Variants in VIT observed in about 807,000 individuals in gnomAD.
VIT encodes the protein vitrin.
In VIT, 99 loss-of-function variants were observed where a neutral mutation model predicts 78.0. The ratio of observed to expected loss-of-function variants is 1.27; its 90% CI spans 1.08 to 1.50. The LOEUF (loss-of-function observed/expected upper bound fraction) is 1.50, where lower values mean the gene tolerates loss of function less well. Among genes scored for constraint, VIT ranks in the 40% most tolerant of loss-of-function variants. The pLI, the probability that VIT is intolerant of heterozygous loss-of-function variation, is 0.00. For synonymous variants in VIT, 374 were observed against 334.3 expected (o/e 1.12, Z -1.29); for missense variants, 1,126 against 875.3 (o/e 1.29, Z -3.61).
chr2:36,806,504 CT>C (rs1285580792), intron 14 of VIT, among the ~76,000 whole-genome samples: 1 of 152,106 alleles, frequency 6.6e-6, no homozygotes, highest in Admixed American at 6.5e-5. Context: ...TTAAGAGGCC[CT>C]CTCCTGCAGG....
intron 12 of VIT, among the ~76,000 whole-genome samples, 194 bp from the exon 13 acceptor site, chr2:36,801,107 C>T (rs960195515): frequency 5.1e-4 from 78 of 152,358 alleles, no homozygotes; most frequent in African/African-American, 1.7e-3. Context: ...GCACAGTCAA[C>T]ACACGCCTTC....
intron 6 of VIT, among the ~76,000 whole-genome samples, chr2:36,762,312 A>T (rs1284645713): frequency 6.6e-6 from 1 of 152,164 alleles, no homozygotes; most frequent in African/African-American, 2.4e-5. Context: ...TAAACTTTTG[A>T]TGACAGTATC....
chr2:36,731,331 T>G (rs1176490120), intron 3 of VIT, among the ~76,000 whole-genome samples: 1 of 152,138 alleles, frequency 6.6e-6, no homozygotes, highest in Non-Finnish European at 1.5e-5. Context: ...TGGAGTGCAG[T>G]GGCGCAATCT....
chr2:36,759,415 G>GAAGAGAAGCA (rs1450359075), intron 6 of VIT: 20 of 1,310,768 alleles, frequency 1.5e-5, no homozygotes, highest in Non-Finnish European at 2.0e-5. Context: ...GATATGAAAT[G>GAAGAGAAGCA]AAGAGAAGCA....
At position 36,808,945 on chromosome 2, in the gene VIT, C is replaced by T. The variant is rs773554852; in HGVS notation, c.1863C>T (p.Tyr621=). The T allele has an allele frequency of 4.4e-6, 7 of 1,606,150 alleles. No individual in the cohort carries two copies. The highest frequency in any genetic ancestry group is 6.0e-6 in the Non-Finnish European group (7 of 1,174,824). ...TCCTCATCACCGACGGGAGGTCCTA[C>T]GACGACGTCCGGATCCCAGCCATGG... The part of the protein sequence containing the change: ...LMILITDGRS[Y]DDVRIPAMAA... Residue 621 remains tyrosine, a synonymous_variant, in exon 15 of 16, where the codon TAC becomes TAT. Transcript: ENST00000379242.
intron 4 of VIT, among the ~76,000 whole-genome samples, chr2:36,750,604 C>T (rs768064037): frequency 2.6e-5 from 4 of 151,928 alleles, no homozygotes; most frequent in Admixed American, 6.6e-5. Context: ...GGGCGTATCA[C>T]GAGGTCAGGA....
chr2:36,800,023 G>A (rs1359038078), intron 12 of VIT, among the ~76,000 whole-genome samples: 75 of 148,616 alleles, frequency 5.0e-4, no homozygotes, highest in African/African-American at 1.7e-3. Flanking sequence ...ACTACAGCCT[G>A]GAGACACAGC....
At chr2:36,727,285 C>T (rs540567145) in intron 2 of VIT, among the ~76,000 whole-genome samples, 2 of 152,184 alleles carry the variant, frequency 1.3e-5, no homozygotes, top group African/African-American at 2.4e-5. Context: ...CAGGCACACT[C>T]GTATGCACAC....
Position 36,787,141 on chromosome 2 carries a change from A to G in VIT, c.923A>G (p.Asp308Gly). The G allele has an allele frequency of 6.2e-7, 1 of 1,614,132 alleles. No homozygotes were observed. The highest frequency in any genetic ancestry group is 8.5e-7 in the Non-Finnish European group (1 of 1,180,016). Residue 308 changes from aspartate to glycine, a missense_variant, in exon 12 of 16, where the codon GAC becomes GGC. Coordinates refer to ENST00000379242, the MANE Select transcript of VIT (RefSeq NM_053276.4). ...TTCCGTTCCGCAGACTGCAAAATTGACTTGTCGTTTTTAATTGATGGGAGC... is the reference window on the plus strand; with the variant it reads ...TTCCGTTCCGCAGACTGCAAAATTGGCTTGTCGTTTTTAATTGATGGGAGC... ...VSLGDPNCKIDLSFLIDGSTS... is the reference protein window; with the variant it reads ...VSLGDPNCKIGLSFLIDGSTS...
intron 1 of VIT, among the ~76,000 whole-genome samples, chr2:36,708,405 A>C (rs939335360): frequency 1.3e-5 from 2 of 152,174 alleles, no homozygotes; most frequent in Non-Finnish European, 2.9e-5. Flanking sequence ...GATCAGACAA[A>C]CACCAACATT....
intron 7 of VIT, among the ~76,000 whole-genome samples, chr2:36,769,540 A>G (rs1669626764): frequency 6.6e-6 from 1 of 152,216 alleles, no homozygotes; most frequent in African/African-American, 2.4e-5. Context: ...ATGCACCACA[A>G]TGGCTAGGAT....
intron 4 of VIT, among the ~76,000 whole-genome samples, chr2:36,744,897 A>G (rs903379141): frequency 2.6e-5 from 4 of 152,308 alleles, no homozygotes; most frequent in African/African-American, 4.8e-5. Flanking sequence ...GCCAAGACCA[A>G]TGTCGAGAAG....
chr2:36,715,335 C>G (rs1291090002), intron 1 of VIT, among the ~76,000 whole-genome samples: 2 of 152,056 alleles, frequency 1.3e-5, no homozygotes, highest in African/African-American at 4.8e-5. Context: ...GTCAGGAGTT[C>G]AAGACCACAT....
chr2:36,714,619 C>T (rs1455653039), intron 1 of VIT, among the ~76,000 whole-genome samples: 1 of 152,126 alleles, frequency 6.6e-6, no homozygotes, highest in Non-Finnish European at 1.5e-5. Context: ...AAATTGCTAG[C>T]TCATAAGGAT....
chr2:36,792,134 C>G (rs1558576933), intron 12 of VIT, among the ~76,000 whole-genome samples: 1 of 152,184 alleles, frequency 6.6e-6, no homozygotes, highest in Non-Finnish European at 1.5e-5. Flanking sequence ...AAACCAGAAT[C>G]TGGCAAGGGG....
chr2:36,795,789 C>G (rs183023814), intron 12 of VIT, among the ~76,000 whole-genome samples: 3 of 152,050 alleles, frequency 2.0e-5, no homozygotes, highest in African/African-American at 7.2e-5. Context: ...TTGTGCTTGT[C>G]TTTGGTGATT....
chr2:36,808,501 G>A lies in VIT; in HGVS notation c.1419G>A (p.Ser473=), dbSNP rs746829069. 6 of 1,611,032 alleles carry A rather than the reference G, an allele frequency of 3.7e-6. No homozygotes were observed. The African/African-American group carries it at 4.0e-5, about 11-fold the overall frequency. Residue 473 remains serine (S), a synonymous_variant, in exon 15 of 16, where the codon TCG becomes TCA. Transcript: ENST00000379242. The part of the protein sequence containing the change: ...KAVCRTNGFY[S]LHVQSWFGLH... ...TGTGCAGAACAAACGGCTTCTACTC[G>A]CTCCACGTGCAGAGCTGGTTTGGCC...
chr2:36,790,518 C>T lies in VIT; in HGVS notation c.1058+3242C>T, dbSNP rs778491638. On this transcript the variant is annotated intron_variant, in intron 12 of 15. Transcript: ENST00000379242. ...CTGCGGGACCCATAACTCACAATCA[C>T]GTTAACCTGTCAGCAACCACAGCAT... Among the ~76,000 whole-genome samples the T allele has an allele frequency of 9.9e-4, 151 of 152,176 alleles. 1 individual carries two copies. Among genetic ancestry groups the T allele is most frequent in the Non-Finnish European group, 1.5e-3 (104 of 68,030 alleles).
Position 36,747,889 on chromosome 2 carries a change from C to T in VIT, c.275+4633C>T, listed in dbSNP as rs375296021. Among the ~76,000 whole-genome samples, 46 of 152,272 alleles carry T rather than the reference C, an allele frequency of 3.0e-4. 1 individual carries two copies. In the East Asian group the frequency reaches 5.4e-3, roughly 18 times the overall value. On this transcript the variant is annotated intron_variant, in intron 4 of 15. Transcript: ENST00000379242. ...AGTGTGTTTTTGTGGTAGCAGGTAT[C>T]GTTCTTTCATTTCCATGTTTAGAAC...
Sources: allele counts gnomAD v4.1 joint callset (sites outside exome capture counted in the v4.1 genomes callset), GRCh38; gene constraint gnomAD v4.1.1; transcripts MANE v1.5; gene names NCBI Gene and HGNC (gene_info 2026-07-23, HGNC 2026-07-21).